The following ULK4 variants were observed in gnomAD, a reference collection of about 807,000 sequenced individuals.
ULK4 encodes the protein inactive serine/threonine-protein kinase ULK4.
In ULK4, 133 loss-of-function variants were observed where a neutral mutation model predicts 160.6. The observed-to-expected ratio is 0.83, with a 90% CI of 0.72 to 0.96. ULK4 has a LOEUF of 0.96. ULK4 is among the 40% of genes least tolerant of loss of function. The pLI is 0.00. For synonymous variants in ULK4, 534 were observed against 539.8 expected (o/e 0.99, Z 0.15); for missense variants, 1,580 against 1,499.5 (o/e 1.05, Z -0.89).
chr3:41,544,914 G>C (rs2086807964), intron 32 of ULK4, among the ~76,000 whole-genome samples: 1 of 152,176 alleles, frequency 6.6e-6, no homozygotes, highest in South Asian at 2.1e-4. Flanking sequence ...CTACCATGCA[G>C]GTATGAAAGA....
At chr3:41,356,413 T>C (rs1314732461) in intron 35 of ULK4, among the ~76,000 whole-genome samples, 1 of 152,168 alleles carries the variant, frequency 6.6e-6, no homozygotes, top group Non-Finnish European at 1.5e-5. Flanking sequence ...TGACTGTTCT[T>C]CTCTAATACA....
chr3:41,859,366 T>C, intron 17 of ULK4: 1 of 586,064 alleles, frequency 1.7e-6, no homozygotes. Flanking sequence ...CCAATGATGC[T>C]TCAGATACCA....
intron 27 of ULK4, among the ~76,000 whole-genome samples, chr3:41,686,369 G>A (rs1398685116): frequency 6.6e-6 from 1 of 152,192 alleles, no homozygotes; most frequent in Admixed American, 6.5e-5. Flanking sequence ...AAGGAAGTAC[G>A]TGTTATTGTC....
At chr3:41,306,278 G>A (rs2079930894) in intron 35 of ULK4, among the ~76,000 whole-genome samples, 1 of 121,460 alleles carries the variant, frequency 8.2e-6, no homozygotes, top group Admixed American at 7.5e-5. Context: ...GGGCGCCTCT[G>A]CCCGGCCGCC....
chr3:41,708,637 G>C (rs1297485727), intron 25 of ULK4, among the ~76,000 whole-genome samples: 1 of 152,220 alleles, frequency 6.6e-6, no homozygotes, highest in Non-Finnish European at 1.5e-5. Flanking sequence ...AGCTACTTGG[G>C]AGGCTGAGGA....
intron 31 of ULK4, among the ~76,000 whole-genome samples, chr3:41,606,786 C>G (rs2032401988): frequency 6.6e-6 from 1 of 151,966 alleles, no homozygotes; most frequent in African/African-American, 2.4e-5. Flanking sequence ...CTATTCAGAG[C>G]CTTTGCCCAT....
intron 30 of ULK4, among the ~76,000 whole-genome samples, chr3:41,628,736 T>C (rs2033628592): frequency 6.6e-6 from 1 of 152,224 alleles, no homozygotes; most frequent in South Asian, 2.1e-4. Flanking sequence ...AGTATATCAA[T>C]GTTAATTTCC....
chr3:41,528,469 G>A (rs1256357305), intron 32 of ULK4, among the ~76,000 whole-genome samples: 1 of 152,070 alleles, frequency 6.6e-6, no homozygotes. Context: ...TTCGGAAGGG[G>A]ATCTCAAAAG....
At chr3:41,813,669 T>C (rs1299009268) in intron 19 of ULK4, among the ~76,000 whole-genome samples, 1 of 152,220 alleles carries the variant, frequency 6.6e-6, no homozygotes, top group Non-Finnish European at 1.5e-5. Context: ...TGTACAGTTA[T>C]ATTTTCTGGT....
At chr3:41,299,602 T>C (rs910718477) in intron 35 of ULK4, among the ~76,000 whole-genome samples, 1 of 152,234 alleles carries the variant, frequency 6.6e-6, no homozygotes, top group East Asian at 1.9e-4. Context: ...GATTTGTTAA[T>C]GCTGCAATAT....
At chr3:41,625,750 T>A (rs956390782) in intron 30 of ULK4, among the ~76,000 whole-genome samples, 2 of 152,032 alleles carry the variant, frequency 1.3e-5, no homozygotes, top group Non-Finnish European at 2.9e-5. Context: ...ATATCCTAAA[T>A]CCGAAAAGAA....
At chr3:41,483,520 C>G (rs143062257) in intron 32 of ULK4, among the ~76,000 whole-genome samples, 1 of 151,944 alleles carries the variant, frequency 6.6e-6, no homozygotes, top group African/African-American at 2.4e-5. Context: ...AAACACTATT[C>G]CCAAGTAAAT....
chr3:41,562,939 T>C (rs2371590), intron 32 of ULK4, among the ~76,000 whole-genome samples: 151,717 of 152,348 alleles, frequency 1, 75,549 homozygotes, highest in Middle Eastern at 1. Context: ...TTAATTGATG[T>C]AATTTCTTCA....
rs184187207 is a variant in ULK4, at chr3:41,374,983, T to G, written c.3678+23096A>C. Among the ~76,000 whole-genome samples, 4 of 151,422 alleles carry G rather than the reference T, an allele frequency of 2.6e-5. No individual in the cohort carries two copies. In the East Asian group the frequency reaches 8.0e-4, roughly 30 times the overall value. On this transcript the variant is annotated intron_variant, in intron 35 of 36. Transcript: ENST00000301831. ...TGTGCAAAAATCAGAAGCATTCTTATACACCAGTAACAGACAGAGAGCCAA... is the reference window on the plus strand; with the variant it reads ...TGTGCAAAAATCAGAAGCATTCTTAGACACCAGTAACAGACAGAGAGCCAA...
At chr3:41,659,873 C>A (rs1167934083) in intron 30 of ULK4, among the ~76,000 whole-genome samples, 1 of 152,054 alleles carries the variant, frequency 6.6e-6, no homozygotes, top group Non-Finnish European at 1.5e-5. Context: ...GAAGATCTTA[C>A]CACTGTAAAA....
At chr3:41,517,613 C>A (rs545998580) in intron 32 of ULK4, among the ~76,000 whole-genome samples, 5 of 152,214 alleles carry the variant, frequency 3.3e-5, no homozygotes, top group African/African-American at 1.2e-4. Context: ...GCAGCAGGAA[C>A]AGTCTCTAGA....
chr3:41,846,519 T>C (rs1040711840), intron 17 of ULK4, among the ~76,000 whole-genome samples: 10 of 152,100 alleles, frequency 6.6e-5, no homozygotes, highest in African/African-American at 9.7e-5. Context: ...AATCCTAACA[T>C]TGAGGCCAGG....
intron 35 of ULK4, among the ~76,000 whole-genome samples, chr3:41,360,034 A>G (rs547502076): frequency 1.4e-4 from 22 of 152,318 alleles, no homozygotes; most frequent in Non-Finnish European, 2.2e-4. Flanking sequence ...CCATCTGACA[A>G]AAGTCTAATA....
intron 30 of ULK4, among the ~76,000 whole-genome samples, chr3:41,661,780 A>G (rs1390521678): frequency 6.6e-6 from 1 of 152,186 alleles, no homozygotes; most frequent in Non-Finnish European, 1.5e-5. Flanking sequence ...CTATTCCACT[A>G]AATTCTGCTT....
Sources: allele counts gnomAD v4.1 joint callset (sites outside exome capture counted in the v4.1 genomes callset), GRCh38; gene constraint gnomAD v4.1.1; transcripts MANE v1.5; gene names NCBI Gene and HGNC (gene_info 2026-07-23, HGNC 2026-07-21).